Variants in CDH12 observed in about 807,000 individuals in gnomAD.
CDH12 encodes the protein cadherin-12.
In CDH12, 41 loss-of-function variants were observed where a neutral mutation model predicts 74.1. The ratio of observed to expected loss-of-function variants is 0.55; its 90% CI spans 0.43 to 0.72. The LOEUF (loss-of-function observed/expected upper bound fraction) is 0.72. Among genes scored for constraint, CDH12 ranks in the 30% least tolerant of loss-of-function variants. The pLI, the probability that CDH12 is intolerant of heterozygous loss-of-function variation, is 0.00. For synonymous variants in CDH12, 399 were observed against 355.0 expected (o/e 1.12, Z -1.39); for missense variants, 945 against 977.2 (o/e 0.97, Z 0.44).
chr5:22,167,905 C>T (rs1449085251), intron 4 of CDH12, among the ~76,000 whole-genome samples: 1 of 152,076 alleles, frequency 6.6e-6, no homozygotes, highest in Non-Finnish European at 1.5e-5. Context: ...TCTCAATCAT[C>T]TTGATTTTCC....
At chr5:22,549,074 G>A (rs1738451610) in intron 1 of CDH12, among the ~76,000 whole-genome samples, 1 of 151,836 alleles carries the variant, frequency 6.6e-6, no homozygotes, top group Non-Finnish European at 1.5e-5. Flanking sequence ...CAAGTAGCTG[G>A]AACTTCAGGC....
intron 2 of CDH12, among the ~76,000 whole-genome samples, chr5:22,458,801 G>A (rs958112854): frequency 6.6e-6 from 1 of 152,112 alleles, no homozygotes; most frequent in Non-Finnish European, 1.5e-5. Context: ...TCTTTCAGCT[G>A]TTTCTTTTAC....
chr5:22,015,126 A>T (rs1341909074), intron 5 of CDH12, among the ~76,000 whole-genome samples: 1 of 152,170 alleles, frequency 6.6e-6, no homozygotes, highest in Non-Finnish European at 1.5e-5. Context: ...ATTGTGAAGC[A>T]ATCAGTTTAA....
At chr5:22,439,335 C>T (rs1744529713) in intron 2 of CDH12, among the ~76,000 whole-genome samples, 1 of 151,898 alleles carries the variant, frequency 6.6e-6, no homozygotes, top group Non-Finnish European at 1.5e-5. Context: ...AAATGTATTG[C>T]TTCAAGAAAA....
intron 6 of CDH12, among the ~76,000 whole-genome samples, chr5:21,967,156 T>C (rs990577108): frequency 3.9e-5 from 6 of 152,110 alleles, no homozygotes; most frequent in Admixed American, 3.3e-4. Flanking sequence ...GACATCTATA[T>C]GAAATATTCA....
chr5:22,411,179 C>T (rs1038499750), intron 2 of CDH12, among the ~76,000 whole-genome samples: 15 of 151,576 alleles, frequency 9.9e-5, no homozygotes, highest in African/African-American at 3.6e-4. Flanking sequence ...TTTATTTCAC[C>T]TATAAAAATC....
chr5:21,847,475 T>C (rs2149993043), intron 7 of CDH12, among the ~76,000 whole-genome samples: 1 of 152,210 alleles, frequency 6.6e-6, no homozygotes, highest in East Asian at 1.9e-4. Context: ...GTGATTTTTT[T>C]CTAAATGCTG....
chr5:22,539,459 G>A (rs185571049), intron 1 of CDH12, among the ~76,000 whole-genome samples: 6 of 152,180 alleles, frequency 3.9e-5, no homozygotes, highest in Non-Finnish European at 5.9e-5. Context: ...AAATGAATGG[G>A]TGAATAAAGG....
rs1357583596 is a variant in CDH12, at chr5:22,154,996, TCTTGC to T, written c.-187+57497_-187+57501del. On this transcript the variant is annotated intron_variant, in intron 4 of 14. Transcript: ENST00000382254. ...CTTGTGGTTGTAAGATTGAGGTCCC[TCTTGC>T]CTCACTATCAGTCAGCTGGGAGTGA... Among the ~76,000 whole-genome samples, 7 of 152,256 alleles carry T rather than the reference TCTTGC, an allele frequency of 4.6e-5. No homozygotes were observed. In the East Asian group the frequency reaches 1.3e-3, roughly 29 times the overall value.
At chr5:22,745,893 A>G (rs551926574) in intron 1 of CDH12, among the ~76,000 whole-genome samples, 1 of 152,156 alleles carries the variant, frequency 6.6e-6, no homozygotes, top group Non-Finnish European at 1.5e-5. Flanking sequence ...AAAGGCCTGC[A>G]CGTGTACCCC....
Position 22,492,055 on chromosome 5 carries a change from C to G in CDH12, c.-428+13215G>C, listed in dbSNP as rs139634045. Among the ~76,000 whole-genome samples the G allele has an allele frequency of 1.3e-3, 203 of 152,114 alleles. 1 individual carries two copies. The highest frequency in any genetic ancestry group is 4.7e-3 in the African/African-American group (195 of 41,496). On this transcript the variant is annotated intron_variant, in intron 2 of 14. Transcript: ENST00000382254. ...CATTCTGAGGTAATGGGAGTTGGGACGTTAGCATATGAATTTTGAGGACAC... is the reference window on the plus strand; with the variant it reads ...CATTCTGAGGTAATGGGAGTTGGGAGGTTAGCATATGAATTTTGAGGACAC...
intron 2 of CDH12, among the ~76,000 whole-genome samples, chr5:22,472,464 C>A (rs147074375): frequency 3.9e-5 from 6 of 152,202 alleles, no homozygotes; most frequent in African/African-American, 1.4e-4. Flanking sequence ...TTTTTAATTT[C>A]TAACCTGAAC....
intron 6 of CDH12, among the ~76,000 whole-genome samples, chr5:21,905,307 A>G (rs1753587531): frequency 1.3e-5 from 2 of 152,244 alleles, no homozygotes; most frequent in South Asian, 4.1e-4. Flanking sequence ...CTAAATTTTA[A>G]AATTACAAAG....
intron 4 of CDH12, among the ~76,000 whole-genome samples, chr5:22,147,828 C>T (rs1293545827): frequency 3.9e-5 from 6 of 152,088 alleles, no homozygotes; most frequent in Non-Finnish European, 8.8e-5. Flanking sequence ...CCAGTTCCCT[C>T]CCACAAGATG....
intron 1 of CDH12, among the ~76,000 whole-genome samples, chr5:22,642,928 C>T (rs1580844995): frequency 6.6e-6 from 1 of 152,000 alleles, no homozygotes; most frequent in Admixed American, 6.6e-5. Flanking sequence ...CTTGACTTTT[C>T]GTTACTGTGC....
In CDH12 at chr5:22,153,875, TATATATATATATAA is replaced by T. The variant is rs1341687048; in HGVS notation, c.-187+58609_-187+58622del. Reference sequence around the variant, plus strand: ...GTGTGTGTGTATATATATATATGTATATATATATATATAAATATATATATATATACACACACATA... The same window carrying T: ...GTGTGTGTGTATATATATATATGTATATATATATATATATACACACACATA... On this transcript the variant is annotated intron_variant, in intron 4 of 14. Transcript: ENST00000382254. Among the ~76,000 whole-genome samples the T allele has an allele frequency of 1.3e-3, 73 of 56,602 alleles. 1 individual carries two copies. The highest frequency in any genetic ancestry group is 3.3e-3 in the African/African-American group (64 of 19,376). The allele number at this position is 56,602 out of a possible 152,430, so 37.1% of individuals were successfully genotyped here.
At chr5:22,640,547 A>G (rs1739092537) in intron 1 of CDH12, among the ~76,000 whole-genome samples, 1 of 152,202 alleles carries the variant, frequency 6.6e-6, no homozygotes, top group Non-Finnish European at 1.5e-5. Flanking sequence ...TCCCATTCAT[A>G]TAATTTAACA....
chr5:21,998,883 T>C (rs913745361), intron 5 of CDH12, among the ~76,000 whole-genome samples: 10 of 152,148 alleles, frequency 6.6e-5, no homozygotes, highest in Non-Finnish European at 1.2e-4. Flanking sequence ...AAATGAGGCA[T>C]AGATAAAGAG....
At chr5:21,883,292 T>G in intron 6 of CDH12, 3 of 1,466,442 alleles carry the variant, frequency 2.0e-6, no homozygotes, top group Non-Finnish European at 2.9e-6. Flanking sequence ...CATCAAAAGG[T>G]CAGAAATGTG....
Sources: gnomAD v4.1 joint callset for allele counts (sites outside exome capture counted in the v4.1 genomes callset) on GRCh38, gnomAD v4.1.1 for gene constraint, MANE v1.5 for transcripts, NCBI Gene and HGNC (gene_info 2026-07-23, HGNC 2026-07-21) for gene names.